WDR64: variants seen among roughly 807,000 people sequenced by gnomAD.
The protein encoded by WDR64 is WD repeat-containing protein 64.
A neutral mutation model predicts 139.3 loss-of-function variants in WDR64; 112 were observed. That is an observed-to-expected ratio of 0.80 (90% confidence interval 0.69 to 0.94). WDR64 has a LOEUF of 0.94. WDR64 is among the 40% of genes least tolerant of loss of function. The probability of loss-of-function intolerance (pLI) is 0.00; values close to 1 mark genes in which losing one functional copy is unlikely to be tolerated. For synonymous variants in WDR64, 444 were observed against 437.7 expected, an observed-to-expected ratio of 1.01 and a Z score of -0.18; for missense variants, 1,206 against 1,293.1, an observed-to-expected ratio of 0.93 and a Z score of 1.03.
intron 9 of WDR64, among the ~76,000 whole-genome samples, chr1:241,719,798 T>C (rs959530473): frequency 5.3e-5 from 8 of 152,186 alleles, no homozygotes; most frequent in Non-Finnish European, 1.0e-4. Flanking sequence ...TTATTTTCTT[T>C]TTTTCCTTCA....
chr1:241,671,183 T>A lies in WDR64; in HGVS notation c.379+7T>A. ...AGGCGAATTTTAATTTCAGGTGACA[T>A]TTTAATTTTCTCTTCCAAATTAGTA... On this transcript the variant is annotated splice_region_variant and intron_variant, in intron 3 of 27. Transcript: ENST00000437684. The A allele has an allele frequency of 1.3e-6, 2 of 1,524,666 alleles. No individual in the cohort carries two copies. The highest frequency in any genetic ancestry group is 1.8e-6 in the Non-Finnish European group (2 of 1,124,994). The allele number at this position is 1,524,666 out of a possible 1,614,324, so 94.4% of individuals were successfully genotyped here. A position where few individuals can be genotyped will look rare whatever the true frequency, so the allele number is the denominator to read the frequency against.
chr1:241,780,134 A>G, intron 22 of WDR64, 72 bp downstream of exon 22: 6 of 1,237,092 alleles, frequency 4.9e-6, no homozygotes, highest in Non-Finnish European at 6.8e-6. Context: ...TGTGCTAGAC[A>G]CCATAAAGGA....
intron 21 of WDR64, among the ~76,000 whole-genome samples, chr1:241,776,980 T>C (rs1658677435): frequency 6.6e-6 from 1 of 152,208 alleles, no homozygotes; most frequent in Non-Finnish European, 1.5e-5. Flanking sequence ...TAGATTCTAT[T>C]AGGCTTCCTT....
chr1:241,688,616 G>A (rs1667097737), intron 8 of WDR64, among the ~76,000 whole-genome samples: 1 of 152,160 alleles, frequency 6.6e-6, no homozygotes, highest in South Asian at 2.1e-4. Context: ...CATCAGAGAA[G>A]TAAGGTCACA....
At chr1:241,744,636 GC>G in intron 13 of WDR64, 120 bp downstream of exon 13, 1 of 1,346,672 alleles carries the variant, frequency 7.4e-7, no homozygotes, top group Non-Finnish European at 1.0e-6. Flanking sequence ...ATGTCTGGGT[GC>G]CAGTGAAATT....
intron 8 of WDR64, among the ~76,000 whole-genome samples, chr1:241,694,191 A>G (rs1039362826): frequency 6.6e-6 from 1 of 152,212 alleles, no homozygotes; most frequent in Non-Finnish European, 1.5e-5. Flanking sequence ...AATTTAAGCA[A>G]TGAAATAACA....
intron 8 of WDR64, among the ~76,000 whole-genome samples, chr1:241,700,049 G>A (rs1667651414): frequency 6.6e-6 from 1 of 151,494 alleles, no homozygotes; most frequent in Admixed American, 6.6e-5. Context: ...GAGAAATGAT[G>A]AGCGCTTGGG....
intron 3 of WDR64, among the ~76,000 whole-genome samples, chr1:241,673,955 G>A (rs1241905589): frequency 6.6e-6 from 1 of 152,046 alleles, no homozygotes; most frequent in African/African-American, 2.4e-5. Flanking sequence ...TTCAAAGAAA[G>A]GAGTCCTAAA....
chr1:241,744,405 G>T lies in WDR64; in HGVS notation c.1483G>T (p.Glu495Ter). Residue 495 changes from glutamate to a stop codon, truncating the protein, a stop_gained, in exon 13 of 28, where the codon GAG (glutamate) becomes TAG (stop). Transcript: ENST00000437684. LOFTEE classifies it high-confidence loss of function. The stretch of plus-strand genomic sequence containing the variant: ...TTCTTTCCCATAGGTATGGGAACTC[G>T]AGACTGGGCTCCAAGTATACCAGAT... ...SESIIRVWELETGLQVYQILE... is the reference protein window; with the variant it reads ...SESIIRVWEL 1 of 1,614,080 alleles carries T rather than the reference G, an allele frequency of 6.2e-7. No individual in the cohort carries two copies. The highest frequency in any genetic ancestry group is 2.2e-5 in the East Asian group (1 of 44,882).
rs1553378923 is a variant in WDR64 at position 241,767,338 on chromosome 1, GT to G, written c.2081+1000del. 2.0e-3 allele frequency among the ~76,000 whole-genome samples: 271 copies of G among 136,822 alleles called. 1 individual carries two copies. The highest frequency in any genetic ancestry group is 4.5e-3 in the African/African-American group (166 of 36,556). The allele number at this position is 136,822 out of a possible 152,430, so 89.8% of individuals were successfully genotyped here. ...CTCCCCATACCATCCACTTCTCAAT[GT>G]TTTTTTTTTTTTGCATTTGTTGAGA... On this transcript the variant is annotated intron_variant, in intron 16 of 27. Coordinates refer to ENST00000437684, the MANE Select transcript of WDR64 (RefSeq NM_001367482.1).
chr1:241,771,945 C>CATATATATATATATATAT (rs57383177), intron 19 of WDR64, among the ~76,000 whole-genome samples: 4 of 62,358 alleles, frequency 6.4e-5, no homozygotes, highest in Admixed American at 1.9e-4. Flanking sequence ...TACATACATA[C>CATATATATATATATATAT]ATATATATAT....
chr1:241,660,592 A>G lies in WDR64; in HGVS notation c.208A>G (p.Asn70Asp), dbSNP rs1665789821. 6.4e-7 allele frequency: 1 copy of G among 1,551,714 alleles called. No homozygotes were observed. Among genetic ancestry groups the G allele is most frequent in the Non-Finnish European group, 8.7e-7 (1 of 1,146,922 alleles). Reference sequence around the variant, plus strand: ...GAAGCTCTTTGGTCCAGATGTGAAGAATCAAGATGTGAAACGCTTTTACAG... The same window carrying G: ...GAAGCTCTTTGGTCCAGATGTGAAGGATCAAGATGTGAAACGCTTTTACAG... ...VQKLFGPDVKNQDVKRFYRKL... is the reference protein window; with the variant it reads ...VQKLFGPDVKDQDVKRFYRKL... The change falls in exon 2 of 28, where the codon AAT (asparagine) becomes GAT (aspartate). Residue 70 changes from asparagine to aspartate, a missense_variant. By Grantham distance (23) the Asn-to-Asp change is conservative. Transcript: ENST00000437684.
At chr1:241,769,176 T>C (rs12088589) in intron 16 of WDR64, among the ~76,000 whole-genome samples, 293 of 152,182 alleles carry the variant, frequency 1.9e-3, no homozygotes, top group African/African-American at 6.7e-3. Flanking sequence ...GTAGGAAGAT[T>C]AGACAGGTTA....
Position 241,766,200 on chromosome 1 carries a change from G to A in WDR64, c.1948-18G>A. On this transcript the variant is annotated intron_variant, in intron 15 of 27. Transcript: ENST00000437684. ...ATGAATACTATATTTATGGTGTTCT[G>A]TTTCCTTCGTTCTTCAGAATCCCAC... The A allele has an allele frequency of 6.2e-7, 1 of 1,612,430 alleles. No individual in the cohort carries two copies. The highest frequency in any genetic ancestry group is 8.5e-7 in the Non-Finnish European group (1 of 1,179,024).
chr1:241,769,088 T>C (rs780184607), intron 16 of WDR64, among the ~76,000 whole-genome samples: 2 of 152,110 alleles, frequency 1.3e-5, no homozygotes, highest in Non-Finnish European at 2.9e-5. Flanking sequence ...GCAACATAGT[T>C]GGCCCCCATC....
intron 1 of WDR64, among the ~76,000 whole-genome samples, chr1:241,655,346 A>G (rs1342755790): frequency 6.6e-6 from 1 of 152,046 alleles, no homozygotes; most frequent in Non-Finnish European, 1.5e-5. Flanking sequence ...CCAAGATCGC[A>G]CCACTGCACT....
chr1:241,790,860 C>T (rs1313808797), intron 25 of WDR64, among the ~76,000 whole-genome samples, 164 bp downstream of exon 25: 1 of 152,126 alleles, frequency 6.6e-6, no homozygotes, highest in African/African-American at 2.4e-5. Context: ...AATTAATTAT[C>T]TCCCAATTTT....
At chr1:241,665,653 T>C (rs1666000338) in intron 2 of WDR64, among the ~76,000 whole-genome samples, 1 of 152,120 alleles carries the variant, frequency 6.6e-6, no homozygotes, top group Non-Finnish European at 1.5e-5. Flanking sequence ...CAATTTATAA[T>C]GAAAAAAATT....
chr1:241,771,678 A>G lies in WDR64; in HGVS notation c.2271A>G (p.Ile757Met). The change falls in exon 19 of 28, where the codon ATA becomes ATG. Residue 757 changes from isoleucine to methionine, a missense_variant. Transcript: ENST00000437684. ...PQSSKGSKQS[I>M]HDSEVKGEQT... ...TAATTCAGGGAAGCAAGCAAAGCAT[A>G]CATGACAGTGAGGTTAAAGGTCAGT... 6.6e-7 allele frequency: 1 copy of G among 1,504,202 alleles called. No homozygotes were observed. The allele number at this position is 1,504,202 out of a possible 1,614,324, so 93.2% of individuals were successfully genotyped here.
Sources: allele counts gnomAD v4.1 joint callset (sites outside exome capture counted in the v4.1 genomes callset), GRCh38; gene constraint gnomAD v4.1.1; transcripts MANE v1.5; gene names NCBI Gene and HGNC (gene_info 2026-07-23, HGNC 2026-07-21).